COL28A1: variants seen among roughly 807,000 people sequenced by gnomAD.
COL28A1 encodes the protein collagen type XXVIII alpha 1 chain, also known as collagen alpha-1(XXVIII) chain.
In COL28A1, 161 loss-of-function variants were observed where a neutral mutation model predicts 150.2. That is an observed-to-expected ratio of 1.07 (90% CI 0.94 to 1.22). The LOEUF is 1.22. Ranked by LOEUF, COL28A1 falls within the 50% of genes most tolerant of loss-of-function variation. The probability of loss-of-function intolerance (pLI) is 0.00; values close to 1 mark genes in which losing one functional copy is unlikely to be tolerated. For synonymous variants in COL28A1, 552 were observed against 469.7 expected (o/e 1.18, Z -2.26); for missense variants, 1,617 against 1,388.3 (o/e 1.16, Z -2.62).
chr7:7,461,081 T>A (rs554134249), intron 15 of COL28A1, among the ~76,000 whole-genome samples: 1 of 152,270 alleles, frequency 6.6e-6, no homozygotes, highest in South Asian at 2.1e-4. Flanking sequence ...CCAAATATTG[T>A]GAGTGCCCAA....
intron 1 of COL28A1, among the ~76,000 whole-genome samples, chr7:7,535,330 C>T (rs556413282): frequency 2.0e-4 from 30 of 152,116 alleles, no homozygotes; most frequent in Admixed American, 1.8e-3. Flanking sequence ...TATCAGAGTT[C>T]ACCAACTTTA....
At chr7:7,480,146 G>A (rs1309232215) in intron 13 of COL28A1, among the ~76,000 whole-genome samples, 3 of 152,236 alleles carry the variant, frequency 2.0e-5, no homozygotes, top group Non-Finnish European at 2.9e-5. Flanking sequence ...AGCAGAACGA[G>A]GATGCAGCAT....
the COL28A1 span, among the ~76,000 whole-genome samples, chr7:7,343,607 TTATAA>T: frequency 9.5e-4 from 144 of 152,278 alleles, no homozygotes; most frequent in South Asian, 3.3e-3. Flanking sequence ...ATGCAGAATA[TTATAA>T]TATATGTGAG....
chr7:7,420,299 T>C (rs1027898003), intron 25 of COL28A1: 14 of 160,342 alleles, frequency 8.7e-5, no homozygotes, highest in African/African-American at 2.6e-4. Flanking sequence ...CCTGAACTAG[T>C]TGCTTTTATC....
chr7:7,479,409 T>C (rs1789212482), intron 13 of COL28A1, among the ~76,000 whole-genome samples: 1 of 152,188 alleles, frequency 6.6e-6, no homozygotes, highest in African/African-American at 2.4e-5. Context: ...ATAAATTATC[T>C]GAGGAAATGC....
intron 33 of COL28A1, among the ~76,000 whole-genome samples, chr7:7,362,407 G>A (rs1020826142): frequency 5.9e-5 from 9 of 152,074 alleles, no homozygotes; most frequent in Non-Finnish European, 1.2e-4. Context: ...GACTGAGATA[G>A]TTTTTTATGC....
chr7:7,473,820 C>T (rs950964466), intron 15 of COL28A1, among the ~76,000 whole-genome samples: 4 of 151,374 alleles, frequency 2.6e-5, no homozygotes, highest in African/African-American at 4.9e-5. Flanking sequence ...GATAAAGAAA[C>T]TATGATATAT....
At chr7:7,502,872 T>C (rs1780613042) in intron 11 of COL28A1, among the ~76,000 whole-genome samples, 1 of 99,412 alleles carries the variant, frequency 1.0e-5, no homozygotes, top group South Asian at 3.0e-4. Context: ...TAATTTTTTG[T>C]ATTTTTAGTA....
chr7:7,365,054 A>C (rs1348043746), intron 33 of COL28A1, among the ~76,000 whole-genome samples: 1 of 152,184 alleles, frequency 6.6e-6, no homozygotes, highest in African/African-American at 2.4e-5. Flanking sequence ...CCAACTCTAA[A>C]AGTTGGATTT....
rs931673705 is a variant in COL28A1 at position 7,444,623 on chromosome 7, G to C, written c.1510-134C>G. 4 of 810,004 alleles carry C rather than the reference G, an allele frequency of 4.9e-6. No individual in the cohort carries two copies. The Admixed American group carries it at 8.9e-5, about 18-fold the overall frequency. 50.2% of individuals were successfully genotyped at this position (810,004 alleles called of 1,614,324 possible). ...ATTAGCAATTAATACTAAACTATTTGATCTTGGGAAGCTACTTAACATCCC... is the reference window on the plus strand; with the variant it reads ...ATTAGCAATTAATACTAAACTATTTCATCTTGGGAAGCTACTTAACATCCC... On this transcript the variant is annotated intron_variant, in intron 18 of 34. Coordinates refer to ENST00000399429, the MANE Select transcript of COL28A1 (RefSeq NM_001037763.3).
chr7:7,364,395 C>A (rs1780827342), intron 33 of COL28A1, among the ~76,000 whole-genome samples: 1 of 152,170 alleles, frequency 6.6e-6, no homozygotes, highest in Non-Finnish European at 1.5e-5. Flanking sequence ...TTACTTAGCC[C>A]AGAGATACAC....
rs181679125 is a variant in COL28A1 at position 7,492,541 on chromosome 7, C to T, written c.1027-1895G>A. Among the ~76,000 whole-genome samples the T allele has an allele frequency of 4.7e-3, 687 of 146,316 alleles. 2 individuals carry two copies. Among genetic ancestry groups the T allele is most frequent in the Middle Eastern group, 0.011 (3 of 284 alleles). ...TAGAGGTTGCAGTGAGCCAAGGTCA[C>T]GCCACCACACTCCAGCTTTGGCAAC... is the stretch of plus-strand genomic sequence containing the variant. On this transcript the variant is annotated intron_variant, in intron 11 of 34. Coordinates refer to ENST00000399429, the MANE Select transcript of COL28A1 (RefSeq NM_001037763.3).
chr7:7,338,534 A>C, the COL28A1 span, among the ~76,000 whole-genome samples: 8 of 152,050 alleles, frequency 5.3e-5, no homozygotes, highest in Non-Finnish European at 8.8e-5. Context: ...ATTTTTACAC[A>C]TTTATTTTGT....
At chr7:7,423,071 T>A (rs1050129616) in intron 25 of COL28A1, among the ~76,000 whole-genome samples, 1 of 152,254 alleles carries the variant, frequency 6.6e-6, no homozygotes, top group Non-Finnish European at 1.5e-5. Context: ...GGATATTTGC[T>A]ATATTAAGGA....
At position 7,533,436 on chromosome 7, in the gene COL28A1, T is replaced by G. The variant is rs371331725; in HGVS notation, c.-37-524A>C. ...TGAGTTCAGAGGTCAAGGTAAAAAT[T>G]AAACGACCCTTCTGTTTCCATAGAA... On this transcript the variant is annotated intron_variant, in intron 1 of 34. Coordinates refer to ENST00000399429, the MANE Select transcript of COL28A1 (RefSeq NM_001037763.3). 2.5e-4 allele frequency among the ~76,000 whole-genome samples: 38 copies of G among 152,162 alleles called. 1 individual carries two copies. Among genetic ancestry groups the G allele is most frequent in the African/African-American group, 8.9e-4 (37 of 41,548 alleles).
At chr7:7,399,204 T>C (rs1219876064) in intron 27 of COL28A1, among the ~76,000 whole-genome samples, 2 of 152,190 alleles carry the variant, frequency 1.3e-5, no homozygotes, top group East Asian at 3.8e-4. Flanking sequence ...GGATTCTTTT[T>C]GTGTTCTGAC....
At chr7:7,509,177 C>A (rs564461172) in intron 9 of COL28A1, among the ~76,000 whole-genome samples, 31 of 151,992 alleles carry the variant, frequency 2.0e-4, no homozygotes, top group African/African-American at 7.0e-4. Flanking sequence ...GTTACCCAAA[C>A]TGGAGTAGAG....
intron 15 of COL28A1, among the ~76,000 whole-genome samples, chr7:7,473,926 A>T (rs1041570362): frequency 6.7e-6 from 1 of 149,690 alleles, no homozygotes; most frequent in Admixed American, 6.7e-5. Flanking sequence ...GTTTATATAT[A>T]TGATGGAATA....
At chr7:7,353,811 C>A (rs761264660), downstream of COL28A1, among the ~76,000 whole-genome samples, 7 of 151,952 alleles carry the variant, frequency 4.6e-5, no homozygotes, top group Non-Finnish European at 8.8e-5. Flanking sequence ...CTTTTTCTCC[C>A]GTCAAAATAG....
Sources: gnomAD v4.1 joint callset for allele counts (sites outside exome capture counted in the v4.1 genomes callset) on GRCh38, gnomAD v4.1.1 for gene constraint, MANE v1.5 for transcripts, NCBI Gene and HGNC (gene_info 2026-07-23, HGNC 2026-07-21) for gene names.